The following SATB2 variants were observed in gnomAD, a reference collection of about 807,000 sequenced individuals.
The protein encoded by SATB2 is SATB homeobox 2.
A neutral mutation model predicts 73.4 loss-of-function variants in SATB2; 1 was observed. That is an observed-to-expected ratio of 0.01 (90% confidence interval 0.00 to 0.06). SATB2 has a LOEUF of 0.06. Among genes scored for constraint, SATB2 ranks in the 10% least tolerant of loss-of-function variants. SATB2 has a pLI of 1.00. For missense variants in SATB2, 459 were observed against 945.8 expected, an observed-to-expected ratio of 0.49 and a Z score of 6.75; for synonymous variants, 397 against 367.0, an observed-to-expected ratio of 1.08 and a Z score of -0.93.
intron 10 of SATB2, among the ~76,000 whole-genome samples, chr2:199,286,389 A>G (rs911356030): frequency 7.2e-5 from 11 of 152,216 alleles, no homozygotes; most frequent in African/African-American, 9.6e-5. Flanking sequence ...AAACAGATTT[A>G]TTTGATCATC....
intron 2 of SATB2, among the ~76,000 whole-genome samples, chr2:199,435,112 G>A (rs931992030): frequency 2.0e-5 from 3 of 152,018 alleles, no homozygotes; most frequent in Non-Finnish European, 4.4e-5. Context: ...CAAGAAAGCA[G>A]TATTATTGTC....
At chr2:199,402,078 A>C (rs1043625327) in intron 3 of SATB2, among the ~76,000 whole-genome samples, 2 of 151,952 alleles carry the variant, frequency 1.3e-5, no homozygotes, top group Non-Finnish European at 2.9e-5. Flanking sequence ...ACACTTCCAA[A>C]TCTTCCTCAA....
upstream of SATB2, among the ~76,000 whole-genome samples, chr2:199,468,615 A>G (rs1323117976): frequency 6.6e-6 from 1 of 152,234 alleles, no homozygotes. Context: ...GCTCCAGTAT[A>G]GACTAAGTGA....
intron 7 of SATB2, among the ~76,000 whole-genome samples, chr2:199,331,583 A>G (rs1688191970): frequency 6.6e-6 from 1 of 152,184 alleles, no homozygotes; most frequent in African/African-American, 2.4e-5. Flanking sequence ...GACATTTTCA[A>G]TAACAAGTGG....
At chr2:199,360,370 G>A (rs556076561) in intron 6 of SATB2, among the ~76,000 whole-genome samples, 20 of 152,164 alleles carry the variant, frequency 1.3e-4, no homozygotes, top group Middle Eastern at 3.4e-3. Flanking sequence ...GCAATCTAAA[G>A]CACACTCCCT....
chr2:199,409,167 CT>C (rs67330007), intron 3 of SATB2, among the ~76,000 whole-genome samples: 16,855 of 115,020 alleles, frequency 0.15, 583 homozygotes, highest in Non-Finnish European at 0.21. Flanking sequence ...TTTTTCTTTT[CT>C]TTTTTTTTTT....
At chr2:199,416,213 A>G (rs1043595320) in intron 3 of SATB2, among the ~76,000 whole-genome samples, 29 of 152,232 alleles carry the variant, frequency 1.9e-4, no homozygotes, top group African/African-American at 7.0e-4. Flanking sequence ...CTAGTGGATT[A>G]TACTTTGTAG....
chr2:199,440,021 G>C (rs927691951), intron 2 of SATB2, among the ~76,000 whole-genome samples: 1 of 152,104 alleles, frequency 6.6e-6, no homozygotes, highest in African/African-American at 2.4e-5. Flanking sequence ...CAGGAGAATG[G>C]CTTGAACCCA....
intron 3 of SATB2, among the ~76,000 whole-genome samples, chr2:199,391,655 G>A (rs887749822): frequency 3.3e-5 from 5 of 151,736 alleles, no homozygotes; most frequent in South Asian, 2.1e-4. Context: ...AAAATATTCC[G>A]CTACCATTTT....
At chr2:199,374,984 C>A (rs963232870) in intron 5 of SATB2, among the ~76,000 whole-genome samples, 80 of 146,466 alleles carry the variant, frequency 5.5e-4, no homozygotes, top group Admixed American at 3.1e-3. Flanking sequence ...AAAAAAAAAA[C>A]CCCACAGTTT....
chr2:199,353,140 G>A (rs1156293383), intron 6 of SATB2, among the ~76,000 whole-genome samples: 2 of 120,518 alleles, frequency 1.7e-5, no homozygotes, highest in East Asian at 2.7e-4. Flanking sequence ...ATTTACACAC[G>A]TTTTTGTCTT....
chr2:199,408,975 G>GATAATCCCAA (rs1690723768), intron 3 of SATB2, among the ~76,000 whole-genome samples: 1 of 151,932 alleles, frequency 6.6e-6, no homozygotes, highest in African/African-American at 2.4e-5. Flanking sequence ...ATGGCTCTAC[G>GATAATCCCAA]ATAATCCCAA....
chr2:199,310,550 GTTTCT>G, intron 9 of SATB2, among the ~76,000 whole-genome samples: 1 of 152,118 alleles, frequency 6.6e-6, no homozygotes, highest in South Asian at 2.1e-4. Context: ...TTCCTCAAGG[GTTTCT>G]TTGCATAAAG....
intron 7 of SATB2, among the ~76,000 whole-genome samples, chr2:199,337,096 C>T (rs1253900438): frequency 6.6e-6 from 1 of 152,130 alleles, no homozygotes; most frequent in Non-Finnish European, 1.5e-5. Flanking sequence ...ACATCTACAA[C>T]TTTAAATATT....
At chr2:199,305,123 C>CAT (rs1687392986) in intron 10 of SATB2, among the ~76,000 whole-genome samples, 1 of 152,122 alleles carries the variant, frequency 6.6e-6, no homozygotes, top group Non-Finnish European at 1.5e-5. Context: ...GGTCAGGTGA[C>CAT]CTGACAGGAG....
intron 1 of SATB2, among the ~76,000 whole-genome samples, chr2:199,456,558 G>A (rs1692281269): frequency 1.3e-5 from 2 of 152,248 alleles, no homozygotes; most frequent in South Asian, 4.1e-4. Flanking sequence ...TAAATGCGCT[G>A]TGAATGGCCA....
chr2:199,316,057 T>G (rs1041984501), intron 9 of SATB2, among the ~76,000 whole-genome samples: 8 of 152,128 alleles, frequency 5.3e-5, no homozygotes, highest in African/African-American at 1.7e-4. Context: ...AAATGTTTTC[T>G]GAGTATCTCA....
chr2:199,362,702 T>C (rs1298658011), intron 6 of SATB2, among the ~76,000 whole-genome samples: 2 of 152,180 alleles, frequency 1.3e-5, no homozygotes, highest in East Asian at 1.9e-4. Flanking sequence ...AGGTATTATA[T>C]ATAAAATAGA....
At chr2:199,277,893 A>C (rs1692365192) in intron 10 of SATB2, among the ~76,000 whole-genome samples, 1 of 152,188 alleles carries the variant, frequency 6.6e-6, no homozygotes, top group African/African-American at 2.4e-5. Flanking sequence ...TAAGGTGCAG[A>C]GTTTGCAAGC....
Sources: gnomAD v4.1 joint callset for allele counts (sites outside exome capture counted in the v4.1 genomes callset) on GRCh38, gnomAD v4.1.1 for gene constraint, MANE v1.5 for transcripts, NCBI Gene and HGNC (gene_info 2026-07-23, HGNC 2026-07-21) for gene names.